STRADA: variants seen among roughly 807,000 people sequenced by gnomAD.
STRADA encodes STE20-related kinase adapter protein alpha.
STRADA carries 26 observed loss-of-function variants against 55.0 expected under a neutral mutation model. The observed-to-expected ratio is 0.47, with a 90% confidence interval of 0.35 to 0.66. The LOEUF (loss-of-function observed/expected upper bound fraction) is 0.66, where lower values mean the gene tolerates loss of function less well. STRADA is among the 30% of genes least tolerant of loss of function. The probability of loss-of-function intolerance (pLI) is 0.01; values close to 1 mark genes in which losing one functional copy is unlikely to be tolerated. For synonymous variants in STRADA, 197 were observed against 210.9 expected, an observed-to-expected ratio of 0.93 and a Z score of 0.57; for missense variants, 443 against 549.7, an observed-to-expected ratio of 0.81 and a Z score of 1.94.
At chr17:63,731,025 C>T (rs945098919) in intron 1 of STRADA, among the ~76,000 whole-genome samples, 2 of 151,936 alleles carry the variant, frequency 1.3e-5, no homozygotes, top group Non-Finnish European at 2.9e-5. Context: ...CTCACTGCAA[C>T]CTCCGACTCC....
At chr17:63,731,135 G>A (rs2038016422) in intron 1 of STRADA, among the ~76,000 whole-genome samples, 1 of 151,812 alleles carries the variant, frequency 6.6e-6, no homozygotes, top group Admixed American at 6.6e-5. Context: ...ATAGAGACGG[G>A]GTTCCACCAT....
intron 9 of STRADA, 56 bp downstream of exon 9, chr17:63,707,191 G>C (rs2036151350): frequency 1.3e-6 from 2 of 1,598,122 alleles, no homozygotes; most frequent in African/African-American, 1.3e-5. Flanking sequence ...ATGCCTGAAG[G>C]CTCCCTTGGG....
chr17:63,707,349 G>A lies in STRADA; in HGVS notation c.651C>T (p.Asn217=). 6.2e-7 allele frequency: 1 copy of A among 1,614,150 alleles called. No individual in the cohort carries two copies. Residue 217 remains asparagine (N), a synonymous_variant, in exon 9 of 13, where the codon AAC becomes AAT. Coordinates refer to ENST00000336174, the MANE Select transcript of STRADA (RefSeq NM_001003787.4). ...GKVYLSGLRS[N]LSMISHGQRQ... ...GCTGCCCATGGCTTATCATGCTGAG[G>A]TTGCTGCGCAAACCAGACAGGTAGA...
At chr17:63,740,147 T>TACACAC (rs57585655) in intron 1 of STRADA, among the ~76,000 whole-genome samples, 3,130 of 65,988 alleles carry the variant, frequency 0.047, 405 homozygotes, top group Non-Finnish European at 0.057. Flanking sequence ...TATATATATA[T>TACACAC]ACACACACAC....
At chr17:63,738,820 G>A (rs577253456) in intron 1 of STRADA, among the ~76,000 whole-genome samples, 3 of 146,472 alleles carry the variant, frequency 2.0e-5, no homozygotes, top group Admixed American at 6.8e-5. Context: ...GCTGCAGAGT[G>A]ACACTCCATC....
intron 1 of STRADA, among the ~76,000 whole-genome samples, chr17:63,732,957 G>C (rs930299587): frequency 2.0e-5 from 3 of 151,748 alleles, no homozygotes; most frequent in South Asian, 2.1e-4. Context: ...GTGTGGTCTC[G>C]GCTCACTGCA....
chr17:63,726,899 T>A, intron 2 of STRADA: 1 of 586,438 alleles, frequency 1.7e-6, no homozygotes, highest in South Asian at 2.2e-5. Flanking sequence ...GCCTATTTGA[T>A]GAATAATTCT....
intron 1 of STRADA, among the ~76,000 whole-genome samples, chr17:63,732,031 AT>A (rs1204033224): frequency 4.1e-5 from 6 of 148,058 alleles, no homozygotes; most frequent in South Asian, 2.2e-4. Flanking sequence ...CACCCGGCTA[AT>A]TTTTTTTTTG....
intron 1 of STRADA, among the ~76,000 whole-genome samples, chr17:63,738,489 C>G (rs569911459): frequency 3.3e-5 from 5 of 152,234 alleles, no homozygotes; most frequent in African/African-American, 1.2e-4. Context: ...CTCTGTCTCT[C>G]CTGTCAGTGG....
At chr17:63,739,383 G>T (rs1419310817) in intron 1 of STRADA, among the ~76,000 whole-genome samples, 1 of 152,012 alleles carries the variant, frequency 6.6e-6, no homozygotes, top group Non-Finnish European at 1.5e-5. Context: ...ATTGAATCAT[G>T]TACAGATGAA....
chr17:63,704,346 A>G lies in STRADA; in HGVS notation c.1095T>C (p.Asp365=), dbSNP rs2035925127. 1 of 1,612,078 alleles carries G rather than the reference A, an allele frequency of 6.2e-7. No individual in the cohort carries two copies. The highest frequency in any genetic ancestry group is 8.5e-7 in the Non-Finnish European group (1 of 1,179,562). The change falls in exon 11 of 13, where the codon GAT becomes GAC. Residue 365 remains aspartate (D), a synonymous_variant. Transcript: ENST00000336174. The part of the protein sequence containing the change: ...FVEQCLQRNP[D]ARPSASTLLN... ...GCCCAGGCCAGCAGGGATACCTGGCATCCGGGTTGCGCTGAAGGCACTGCT... is the reference window on the plus strand; with the variant it reads ...GCCCAGGCCAGCAGGGATACCTGGCGTCCGGGTTGCGCTGAAGGCACTGCT...
intron 1 of STRADA, among the ~76,000 whole-genome samples, chr17:63,734,849 G>A (rs1165993000): frequency 1.3e-5 from 2 of 152,072 alleles, no homozygotes; most frequent in African/African-American, 4.8e-5. Context: ...TATTAGGAAA[G>A]GTTAACATCT....
At chr17:63,726,899 T>C in intron 2 of STRADA, 1 of 586,438 alleles carries the variant, frequency 1.7e-6, no homozygotes. Flanking sequence ...GCCTATTTGA[T>C]GAATAATTCT....
intron 4 of STRADA, among the ~76,000 whole-genome samples, chr17:63,719,633 G>A (rs1481369283): frequency 1.3e-5 from 2 of 152,100 alleles, no homozygotes; most frequent in Non-Finnish European, 2.9e-5. Context: ...ACAGGTGCGT[G>A]CTACCATGCC....
At chr17:63,735,725 T>C (rs560785244) in intron 1 of STRADA, among the ~76,000 whole-genome samples, 4 of 152,220 alleles carry the variant, frequency 2.6e-5, no homozygotes, top group Non-Finnish European at 5.9e-5. Flanking sequence ...TCTCAGGAAA[T>C]GGAGAGAAAG....
At chr17:63,707,169 C>G (rs530389023) in intron 9 of STRADA, 78 bp downstream of exon 9, 1 of 1,572,536 alleles carries the variant, frequency 6.4e-7, no homozygotes, top group Non-Finnish European at 8.7e-7. Flanking sequence ...TGAGAGCCCC[C>G]GACTCCAGGC....
At chr17:63,728,309 G>T in intron 2 of STRADA, 25 bp downstream of exon 2, 2 of 1,611,328 alleles carry the variant, frequency 1.2e-6, no homozygotes, top group South Asian at 1.1e-5. Context: ...AAATAGTAAA[G>T]CCAGAAGAAT....
At chr17:63,730,775 G>T (rs1210868128) in intron 1 of STRADA, among the ~76,000 whole-genome samples, 2 of 151,936 alleles carry the variant, frequency 1.3e-5, no homozygotes. Context: ...TGGCCAGGCT[G>T]GTCTCGAACC....
rs1227165792 is a variant in STRADA at position 63,726,679 on chromosome 17, T to A, written c.53A>T (p.Lys18Met). ...ATCTCTTAAGCCCTCAACAATGAAC[T>A]TTTCCGAGACCCACCGCTAAAGAGG... The part of the protein sequence containing the change: ...PERIRRWVSE[K>M]FIVEGLRDLE... Residue 18 changes from lysine (K) to methionine (M), a missense_variant, in exon 3 of 13, where the codon AAG (lysine) becomes ATG (methionine). Transcript: ENST00000336174. The A allele has an allele frequency of 8.1e-6, 13 of 1,613,956 alleles. No homozygotes were observed. The highest frequency in any genetic ancestry group is 2.7e-5 in the African/African-American group (2 of 74,906).
Sources: gnomAD v4.1 joint callset for allele counts (sites outside exome capture counted in the v4.1 genomes callset) on GRCh38, gnomAD v4.1.1 for gene constraint, MANE v1.5 for transcripts, NCBI Gene and HGNC (gene_info 2026-07-23, HGNC 2026-07-21) for gene names.